The following GALNTL6 variants were observed in gnomAD, a reference collection of about 807,000 sequenced individuals.
The protein encoded by GALNTL6 is polypeptide N-acetylgalactosaminyltransferase like 6.
Under a neutral mutation model 73.7 loss-of-function variants are expected in GALNTL6, and 46 were observed. The ratio of observed to expected loss-of-function variants is 0.62; its 90% CI spans 0.49 to 0.80. GALNTL6 has a LOEUF of 0.80. Among genes scored for constraint, GALNTL6 ranks in the 30% least tolerant of loss-of-function variants. The pLI is 0.00. For synonymous variants in GALNTL6, 259 were observed against 263.7 expected (o/e 0.98, Z 0.17); for missense variants, 604 against 755.0 (o/e 0.80, Z 2.34).
chr4:171,935,530 A>G lies in GALNTL6; in HGVS notation c.138+120812A>G, dbSNP rs751693920. On this transcript the variant is annotated intron_variant, in intron 2 of 12. Coordinates refer to ENST00000506823, the MANE Select transcript of GALNTL6 (RefSeq NM_001034845.3). ...GTTGCCCAGGCTGGAGTGCAGTGGC[A>G]TGATCATAGTTCATTGTGCAGCCTT... Among the ~76,000 whole-genome samples, 242 of 152,212 alleles carry G rather than the reference A, an allele frequency of 1.6e-3. 3 individuals are homozygous for G. The highest frequency in any genetic ancestry group is 2.5e-3 in the Non-Finnish European group (168 of 68,000).
In GALNTL6 at chr4:172,841,091, T is replaced by G. The variant is rs965536066; in HGVS notation, c.923+27368T>G. 8.5e-5 allele frequency among the ~76,000 whole-genome samples: 13 copies of G among 152,210 alleles called. No individual in the cohort carries two copies. In the South Asian group the frequency reaches 2.1e-3, roughly 24 times the overall value. ...TCCTAAAGAGACATGCTGCCACATC[T>G]GCTTCCAGGGAAACTCAACTGGCAA... On this transcript the variant is annotated intron_variant, in intron 7 of 12. Coordinates refer to ENST00000506823, the MANE Select transcript of GALNTL6 (RefSeq NM_001034845.3).
chr4:172,123,151 A>G (rs1446932350), intron 2 of GALNTL6, among the ~76,000 whole-genome samples: 1 of 152,174 alleles, frequency 6.6e-6, no homozygotes, highest in African/African-American at 2.4e-5. Flanking sequence ...CACTGACAGT[A>G]AGGTTTGGAA....
In GALNTL6 at chr4:172,216,664, CT is replaced by C. The variant is rs1243998003; in HGVS notation, c.139-12985del. ...ATTTTATCTCTCAGTTTTGGATGTT[CT>C]TTTTTTCTCCATTGTTTTATCAACA... On this transcript the variant is annotated intron_variant, in intron 2 of 12. Coordinates refer to ENST00000506823, the MANE Select transcript of GALNTL6 (RefSeq NM_001034845.3). Among the ~76,000 whole-genome samples, 8 of 151,988 alleles carry C rather than the reference CT, an allele frequency of 5.3e-5. No individual in the cohort carries two copies. The East Asian group carries it at 1.5e-3, about 29-fold the overall frequency.
intron 3 of GALNTL6, among the ~76,000 whole-genome samples, chr4:172,231,419 T>C (rs1737067482): frequency 6.6e-6 from 1 of 152,190 alleles, no homozygotes; most frequent in African/African-American, 2.4e-5. Context: ...TTAAGTAAAA[T>C]TGAGTTCCTA....
chr4:173,002,896 C>CGG (rs1752111307), intron 10 of GALNTL6, among the ~76,000 whole-genome samples: 1 of 151,814 alleles, frequency 6.6e-6, no homozygotes. Context: ...ATGGCAAACA[C>CGG]GGTATGGTTC....
chr4:172,580,128 A>C (rs1012079892), intron 5 of GALNTL6, among the ~76,000 whole-genome samples: 1 of 152,212 alleles, frequency 6.6e-6, no homozygotes, highest in Non-Finnish European at 1.5e-5. Context: ...TCTGACAAAT[A>C]TTTCTAAGAA....
At chr4:172,075,992 C>G (rs1731691258) in intron 2 of GALNTL6, among the ~76,000 whole-genome samples, 3 of 152,066 alleles carry the variant, frequency 2.0e-5, no homozygotes. Flanking sequence ...TTTAGTTTGG[C>G]TTAATTAATT....
intron 3 of GALNTL6, among the ~76,000 whole-genome samples, chr4:172,277,753 G>GA (rs1252238148): frequency 6.6e-6 from 1 of 152,016 alleles, no homozygotes; most frequent in East Asian, 1.9e-4. Flanking sequence ...TTCTGAAAGT[G>GA]AAAAAATGGA....
chr4:173,036,607 A>G (rs946985961), intron 12 of GALNTL6, among the ~76,000 whole-genome samples: 1 of 152,236 alleles, frequency 6.6e-6, no homozygotes, highest in Non-Finnish European at 1.5e-5. Context: ...AAACCAAAAC[A>G]AACAGAAAAA....
intron 2 of GALNTL6, among the ~76,000 whole-genome samples, chr4:172,105,425 A>G (rs1021670816): frequency 6.6e-6 from 1 of 152,040 alleles, no homozygotes; most frequent in African/African-American, 2.4e-5. Context: ...AGAGTGAGAA[A>G]ATATTTACGG....
intron 4 of GALNTL6, among the ~76,000 whole-genome samples, chr4:172,340,617 T>A (rs1741526695): frequency 6.6e-6 from 1 of 152,216 alleles, no homozygotes; most frequent in African/African-American, 2.4e-5. Flanking sequence ...TATTGAGCTT[T>A]GTTACATAAT....
At chr4:172,046,333 C>G (rs2110849437) in intron 2 of GALNTL6, among the ~76,000 whole-genome samples, 1 of 152,166 alleles carries the variant, frequency 6.6e-6, no homozygotes, top group African/African-American at 2.4e-5. Flanking sequence ...ACTTTAAGTT[C>G]TGGGGTACAT....
At chr4:172,255,759 T>G (rs1738053163) in intron 3 of GALNTL6, among the ~76,000 whole-genome samples, 1 of 151,444 alleles carries the variant, frequency 6.6e-6, no homozygotes, top group Non-Finnish European at 1.5e-5. Flanking sequence ...GCTTTGATAT[T>G]TTTTCAGATG....
At chr4:172,345,083 G>A (rs1741693187) in intron 4 of GALNTL6, among the ~76,000 whole-genome samples, 1 of 140,818 alleles carries the variant, frequency 7.1e-6, no homozygotes, top group Non-Finnish European at 1.5e-5. Flanking sequence ...AGCACATTAT[G>A]AAGAGGTATT....
chr4:172,122,213 T>C (rs1733170378), intron 2 of GALNTL6, among the ~76,000 whole-genome samples: 1 of 151,894 alleles, frequency 6.6e-6, no homozygotes. Flanking sequence ...AAGCATCTCA[T>C]AGCTCAGGTT....
intron 5 of GALNTL6, among the ~76,000 whole-genome samples, chr4:172,802,056 A>C (rs1464702068): frequency 6.6e-6 from 1 of 152,184 alleles, no homozygotes; most frequent in African/African-American, 2.4e-5. Flanking sequence ...ATTTATTGAA[A>C]AAAATCAAGC....
chr4:172,852,359 T>A (rs558858135), intron 7 of GALNTL6, among the ~76,000 whole-genome samples: 37 of 152,122 alleles, frequency 2.4e-4, no homozygotes, highest in African/African-American at 8.7e-4. Flanking sequence ...AAAGATGATG[T>A]GGTAGATCAC....
chr4:171,978,497 A>G (rs1019739298), intron 2 of GALNTL6, among the ~76,000 whole-genome samples: 5 of 152,156 alleles, frequency 3.3e-5, no homozygotes, highest in African/African-American at 1.2e-4. Context: ...TCAACTGTAA[A>G]GCACATCTCC....
intron 5 of GALNTL6, among the ~76,000 whole-genome samples, chr4:172,602,257 T>C (rs1266749675): frequency 6.6e-6 from 1 of 152,146 alleles, no homozygotes; most frequent in African/African-American, 2.4e-5. Flanking sequence ...GTAATCTACA[T>C]CTACAGAAAG....
Sources: allele counts gnomAD v4.1 joint callset (sites outside exome capture counted in the v4.1 genomes callset), GRCh38; gene constraint gnomAD v4.1.1; transcripts MANE v1.5; gene names NCBI Gene and HGNC (gene_info 2026-07-23, HGNC 2026-07-21).